Variants in GAREM1 observed in about 807,000 individuals in gnomAD.
GAREM1 encodes GRB2 associated regulator of MAPK1 subtype 1, also known as GRB2-associated and regulator of MAPK protein 1.
GAREM1 carries 26 observed loss-of-function variants against 71.3 expected under a neutral mutation model. The ratio of observed to expected loss-of-function variants is 0.36; its 90% CI spans 0.27 to 0.51. GAREM1 has a LOEUF of 0.51. GAREM1 is among the 20% of genes least tolerant of loss of function. The probability of loss-of-function intolerance (pLI) is 0.95; values close to 1 mark genes in which losing one functional copy is unlikely to be tolerated. For missense variants in GAREM1, 1,026 were observed against 1,103.1 expected, an observed-to-expected ratio of 0.93 and a Z score of 0.99; for synonymous variants, 440 against 433.2, an observed-to-expected ratio of 1.02 and a Z score of -0.20.
At chr18:32,385,689 T>C (rs2048140255) in intron 2 of GAREM1, among the ~76,000 whole-genome samples, 1 of 151,872 alleles carries the variant, frequency 6.6e-6, no homozygotes, top group African/African-American at 2.4e-5. Context: ...CTCTCCTCTC[T>C]AGGATGACTT....
intron 2 of GAREM1, among the ~76,000 whole-genome samples, chr18:32,360,603 C>T (rs1186070013): frequency 6.6e-6 from 1 of 152,034 alleles, no homozygotes; most frequent in Non-Finnish European, 1.5e-5. Flanking sequence ...AATCCTCCTG[C>T]CTATAGGAGT....
In GAREM1 at chr18:32,457,226, A is replaced by AGAGT. The variant is rs1555648709; in HGVS notation, c.121+13081_121+13082insACTC. On this transcript the variant is annotated intron_variant, in intron 1 of 5. Coordinates refer to ENST00000269209, the MANE Select transcript of GAREM1 (RefSeq NM_001242409.2). ...GGGGGGGAGAGAGAGAGAGAGAGAG[A>AGAGT]GTGTGTGTGTGTGTGTGTGTGTGTG... Among the ~76,000 whole-genome samples the AGAGT allele has an allele frequency of 2.9e-3, 240 of 81,940 alleles. 1 individual carries two copies. The highest frequency in any genetic ancestry group is 8.6e-3 in the African/African-American group (206 of 23,958). 53.8% of individuals were successfully genotyped at this position (81,940 alleles called of 152,430 possible). A position where few individuals can be genotyped will look rare whatever the true frequency, so the allele number is the denominator to read the frequency against.
At chr18:32,391,707 G>A (rs2048201242) in intron 2 of GAREM1, among the ~76,000 whole-genome samples, 1 of 152,104 alleles carries the variant, frequency 6.6e-6, no homozygotes, top group Non-Finnish European at 1.5e-5. Flanking sequence ...ACTTGCCTGA[G>A]TTACAATCTA....
chr18:32,355,455 T>C (rs1286663204), intron 2 of GAREM1, among the ~76,000 whole-genome samples: 1 of 152,176 alleles, frequency 6.6e-6, no homozygotes, highest in Non-Finnish European at 1.5e-5. Context: ...TAAATTTTAC[T>C]TAAGGAATCA....
rs547167786 is a variant in GAREM1, at chr18:32,465,011, GA to G, written c.121+5296del. On this transcript the variant is annotated intron_variant, in intron 1 of 5. Coordinates refer to ENST00000269209, the MANE Select transcript of GAREM1 (RefSeq NM_001242409.2). ...TATAACGTCTAGTTTTCCTACACGG[GA>G]AAACTACAAATCAAAGGGATTACAA... Among the ~76,000 whole-genome samples, 278 of 152,216 alleles carry G rather than the reference GA, an allele frequency of 1.8e-3. 2 individuals are homozygous for G. Among genetic ancestry groups the G allele is most frequent in the African/African-American group, 6.5e-3 (268 of 41,516 alleles).
rs759175270 is a variant in GAREM1, at chr18:32,268,751, T to A, written c.1751A>T (p.Asp584Val). 1 of 1,613,696 alleles carries A rather than the reference T, an allele frequency of 6.2e-7. No individual in the cohort carries two copies. Among genetic ancestry groups the A allele is most frequent in the South Asian group, 1.1e-5 (1 of 91,046 alleles). The part of the protein sequence containing the change: ...GLHNISVTKT[D>V]TNPSESTPVS... The stretch of plus-strand genomic sequence containing the variant: ...AGGAGTGCTTTCAGAAGGATTTGTG[T>A]CAGTTTTAGTGACGCTGCTTAAAAG... The change falls in exon 6 of 6, where the codon GAC (aspartate) becomes GTC (valine). Residue 584 changes from aspartate to valine, a missense_variant. Asp to Val is a radical substitution (Grantham distance 152, BLOSUM62 -3). Around this residue, in one of 3 missense-constraint regions of GAREM1, gnomAD observed 636 missense variants for 631.2 expected, o/e 1.01. Coordinates refer to ENST00000269209, the MANE Select transcript of GAREM1 (RefSeq NM_001242409.2).
At chr18:32,457,224 A>AT (rs1555648700) in intron 1 of GAREM1, among the ~76,000 whole-genome samples, 15,477 of 107,396 alleles carry the variant, frequency 0.14, 1,180 homozygotes, top group South Asian at 0.19. Flanking sequence ...AGAGAGAGAG[A>AT]GAGTGTGTGT....
chr18:32,395,364 A>G (rs1205695070), intron 1 of GAREM1, among the ~76,000 whole-genome samples: 1 of 152,240 alleles, frequency 6.6e-6, no homozygotes, highest in Non-Finnish European at 1.5e-5. Flanking sequence ...TAGGGCACTT[A>G]CTATTCAACA....
chr18:32,420,755 GA>G lies in GAREM1; in HGVS notation c.122-27721del, dbSNP rs10683034. Among the ~76,000 whole-genome samples the G allele has an allele frequency of 7.1e-3, 876 of 123,018 alleles. 9 individuals carry two copies. The highest frequency in any genetic ancestry group is 0.014 in the Middle Eastern group (3 of 222). The allele number at this position is 123,018 out of a possible 152,430, so 80.7% of individuals were successfully genotyped here. On this transcript the variant is annotated intron_variant, in intron 1 of 5. Coordinates refer to ENST00000269209, the MANE Select transcript of GAREM1 (RefSeq NM_001242409.2). ...GTGAGACCCCCTTCTCTTCAAAAAT[GA>G]AAAAAAAAAAAAAATAGAATCCCAA...
intron 2 of GAREM1, among the ~76,000 whole-genome samples, chr18:32,324,930 G>A (rs1307149644): frequency 6.6e-6 from 1 of 152,170 alleles, no homozygotes; most frequent in Non-Finnish European, 1.5e-5. Flanking sequence ...TTAGGGAGGA[G>A]GAATGGATGA....
At chr18:32,449,272 G>A (rs2048811387) in intron 1 of GAREM1, among the ~76,000 whole-genome samples, 1 of 152,232 alleles carries the variant, frequency 6.6e-6, no homozygotes, top group South Asian at 2.1e-4. Context: ...CAACGGATTT[G>A]TTTGGGGGAA....
At chr18:32,338,508 G>A (rs1363484073) in intron 2 of GAREM1, among the ~76,000 whole-genome samples, 2 of 152,154 alleles carry the variant, frequency 1.3e-5, no homozygotes, top group Non-Finnish European at 2.9e-5. Flanking sequence ...TTGAGTGTAT[G>A]AGTTTTTAGT....
intron 1 of GAREM1, among the ~76,000 whole-genome samples, chr18:32,461,960 A>G (rs2048957310): frequency 6.6e-6 from 1 of 152,186 alleles, no homozygotes; most frequent in Non-Finnish European, 1.5e-5. Flanking sequence ...CTATTTCAGT[A>G]AGGCAGCCAA....
chr18:32,434,486 T>C (rs1297691928), intron 1 of GAREM1, among the ~76,000 whole-genome samples: 1 of 152,002 alleles, frequency 6.6e-6, no homozygotes, highest in Admixed American at 6.6e-5. Context: ...GAAAATACTT[T>C]TTTAAAAAAG....
At chr18:32,377,326 G>C (rs2048040173) in intron 2 of GAREM1, among the ~76,000 whole-genome samples, 1 of 152,148 alleles carries the variant, frequency 6.6e-6, no homozygotes, top group African/African-American at 2.4e-5. Flanking sequence ...GTCTCCGCCA[G>C]GCATCACAGA....
chr18:32,370,341 T>A (rs2047965982), intron 2 of GAREM1, among the ~76,000 whole-genome samples: 1 of 146,280 alleles, frequency 6.8e-6, no homozygotes, highest in African/African-American at 2.6e-5. Context: ...GAAAGGAGAA[T>A]CACTTGAACC....
In GAREM1 at chr18:32,287,567, G is replaced by A. The variant is rs1267086929; in HGVS notation, c.1030C>T (p.Arg344Cys). 2.5e-6 allele frequency: 4 copies of A among 1,614,138 alleles called. No homozygotes were observed. The highest frequency in any genetic ancestry group is 2.2e-5 in the East Asian group (1 of 44,886). Residue 344 changes from arginine (R) to cysteine (C), a missense_variant, in exon 4 of 6, where the codon CGT (arginine) becomes TGT (cysteine). Transcript: ENST00000269209. This position sits in a 1 kb window ranked among gnomAD's most constrained non-coding sequence, Gnocchi z 5.9. The stretch of plus-strand genomic sequence containing the variant: ...TCATTCCAGTCGGTTTTCACATCAC[G>A]GACAGCCCGTGAATACTCATCGATG... ...FDIDEYSRAVRDVKTDWNEEC... is the reference protein window; with the variant it reads ...FDIDEYSRAVCDVKTDWNEEC...
chr18:32,441,054 A>C (rs991966289), intron 1 of GAREM1, among the ~76,000 whole-genome samples: 3 of 152,194 alleles, frequency 2.0e-5, no homozygotes, highest in Non-Finnish European at 4.4e-5. Flanking sequence ...AGTGATGCTT[A>C]AGATTTAATA....
chr18:32,319,083 T>C (rs2047406666), intron 2 of GAREM1, among the ~76,000 whole-genome samples: 1 of 152,172 alleles, frequency 6.6e-6, no homozygotes, highest in African/African-American at 2.4e-5. Context: ...GCTTACTAAA[T>C]AGTGAATGAA....
Sources: allele counts gnomAD v4.1 joint callset (sites outside exome capture counted in the v4.1 genomes callset), GRCh38; gene constraint gnomAD v4.1.1; regional missense constraint gnomAD v4.1.1; non-coding constraint Gnocchi (gnomAD v3.1); transcripts MANE v1.5; gene names NCBI Gene and HGNC (gene_info 2026-07-23, HGNC 2026-07-21).